EHBP1: variants seen among roughly 807,000 people sequenced by gnomAD.
The protein encoded by EHBP1 is EH domain-binding protein 1.
EHBP1 carries 55 observed loss-of-function variants against 144.0 expected under a neutral mutation model. The observed-to-expected ratio is 0.38, with a 90% CI of 0.31 to 0.48. EHBP1 has a LOEUF of 0.48. Among genes scored for constraint, EHBP1 ranks in the 20% least tolerant of loss-of-function variants. The pLI is 0.98. For missense variants in EHBP1, 1,200 were observed against 1,364.2 expected (o/e 0.88, Z 1.90); for synonymous variants, 469 against 472.7 (o/e 0.99, Z 0.10).
At chr2:62,709,090 G>A (rs1345555445) in intron 2 of EHBP1, among the ~76,000 whole-genome samples, 1 of 152,152 alleles carries the variant, frequency 6.6e-6, no homozygotes, top group African/African-American at 2.4e-5. Context: ...GTAGACTGAG[G>A]ATCATAGTAA....
At chr2:62,751,195 G>C (rs899956009) in intron 3 of EHBP1, among the ~76,000 whole-genome samples, 6 of 152,234 alleles carry the variant, frequency 3.9e-5, no homozygotes, top group South Asian at 4.1e-4. Flanking sequence ...TAGCATGAAG[G>C]GCTGTTGAAT....
At chr2:62,972,973 G>C (rs553564569) in intron 14 of EHBP1, among the ~76,000 whole-genome samples, 1 of 152,190 alleles carries the variant, frequency 6.6e-6, no homozygotes, top group Admixed American at 6.5e-5. Context: ...TTTTTCTATT[G>C]TGTAGAGAAC....
intron 5 of EHBP1, among the ~76,000 whole-genome samples, chr2:62,821,941 G>T (rs562422177): frequency 6.6e-6 from 1 of 152,000 alleles, no homozygotes; most frequent in African/African-American, 2.4e-5. Flanking sequence ...GGAAAATGTG[G>T]TGTCTTTCCC....
chr2:62,724,762 A>T (rs1572973434), intron 2 of EHBP1, among the ~76,000 whole-genome samples: 1 of 151,942 alleles, frequency 6.6e-6, no homozygotes, highest in Non-Finnish European at 1.5e-5. Context: ...GGAGGTGAGT[A>T]GTGGGCAGGC....
rs1488716830 is a variant in EHBP1 at position 62,979,268 on chromosome 2, G to A, written c.2541G>A (p.Met847Ile). The change falls in exon 15 of 23, where the codon ATG becomes ATA. Residue 847 changes from methionine to isoleucine, a missense_variant. This residue lies in a region of EHBP1 where 543 missense variants were observed against 513.1 expected (regional missense o/e 1.06). Transcript: ENST00000431489. ...CAGAAGCTCGATCTGGAGTGAAGAT[G>A]TCAGAACTTCCCAGCTATGGTGAAA... ...LIAEARSGVK[M>I]SELPSYGEMA... 1.2e-6 allele frequency: 2 copies of A among 1,613,846 alleles called. No individual in the cohort carries two copies. The highest frequency in any genetic ancestry group is 1.7e-6 in the Non-Finnish European group (2 of 1,179,928).
intron 10 of EHBP1, 93 bp from the exon 11 acceptor site, chr2:62,942,625 A>T: frequency 8.9e-7 from 1 of 1,120,232 alleles, no homozygotes; most frequent in South Asian, 2.2e-5. Flanking sequence ...AACTGACATC[A>T]AAGGGTTCAA....
chr2:62,944,236 T>A (rs1050120475), intron 12 of EHBP1, among the ~76,000 whole-genome samples: 1 of 152,196 alleles, frequency 6.6e-6, no homozygotes, highest in South Asian at 2.1e-4. Flanking sequence ...CAAGAGAGAA[T>A]ACTTAGGTTC....
chr2:62,915,542 A>G (rs982587938), intron 10 of EHBP1, among the ~76,000 whole-genome samples: 2 of 152,178 alleles, frequency 1.3e-5, no homozygotes, highest in African/African-American at 2.4e-5. Context: ...TGGGCATGTC[A>G]CATGTATAAT....
chr2:62,966,804 A>G (rs2058267189), intron 14 of EHBP1, among the ~76,000 whole-genome samples: 1 of 152,178 alleles, frequency 6.6e-6, no homozygotes, highest in Non-Finnish European at 1.5e-5. Flanking sequence ...TATAAAAAGT[A>G]TAGTGTGCTC....
At chr2:62,992,581 G>A (rs1022129727) in intron 16 of EHBP1, among the ~76,000 whole-genome samples, 4 of 152,100 alleles carry the variant, frequency 2.6e-5, no homozygotes, top group Non-Finnish European at 4.4e-5. Flanking sequence ...AGCTTTCAGC[G>A]TTGACTTGGG....
intron 18 of EHBP1, among the ~76,000 whole-genome samples, chr2:62,995,977 A>G (rs1279463200): frequency 1.3e-5 from 2 of 152,158 alleles, no homozygotes; most frequent in Non-Finnish European, 2.9e-5. Flanking sequence ...CTATGTAGCA[A>G]GGTTTGAAAC....
intron 10 of EHBP1, among the ~76,000 whole-genome samples, chr2:62,928,425 T>A (rs899369113): frequency 1.1e-4 from 17 of 152,280 alleles, no homozygotes; most frequent in African/African-American, 3.9e-4. Context: ...TAGAAAAGAC[T>A]GGCCTTAATT....
chr2:62,763,097 A>T (rs2040888891), intron 3 of EHBP1, among the ~76,000 whole-genome samples: 1 of 151,918 alleles, frequency 6.6e-6, no homozygotes, highest in Non-Finnish European at 1.5e-5. Context: ...ATGCATTTAC[A>T]TGTGTGATTC....
At chr2:62,755,083 C>A (rs371774906) in intron 3 of EHBP1, among the ~76,000 whole-genome samples, 1 of 152,236 alleles carries the variant, frequency 6.6e-6, no homozygotes, top group Non-Finnish European at 1.5e-5. Flanking sequence ...CATCGCTCAA[C>A]GCTGGGAGCT....
intron 14 of EHBP1, chr2:62,955,946 T>G: frequency 4.2e-6 from 1 of 239,172 alleles, no homozygotes; most frequent in Non-Finnish European, 8.0e-6. Flanking sequence ...ATAACTGTAG[T>G]TGTACTCTAA....
intron 7 of EHBP1, among the ~76,000 whole-genome samples, chr2:62,850,715 G>C (rs1462636795): frequency 2.6e-5 from 4 of 151,850 alleles, no homozygotes; most frequent in African/African-American, 4.8e-5. Context: ...AGTACTTTTG[G>C]TCAGGGTAGC....
At chr2:62,957,148 A>G (rs762479521) in intron 14 of EHBP1, among the ~76,000 whole-genome samples, 1 of 152,218 alleles carries the variant, frequency 6.6e-6, no homozygotes, top group Non-Finnish European at 1.5e-5. Flanking sequence ...TTAACATACC[A>G]TGGTCAATTT....
At chr2:62,807,899 T>C (rs1029267733) in intron 5 of EHBP1, among the ~76,000 whole-genome samples, 2 of 152,112 alleles carry the variant, frequency 1.3e-5, no homozygotes, top group Admixed American at 6.5e-5. Context: ...TCTCTATAGA[T>C]AAGGTGTTTA....
intron 19 of EHBP1, among the ~76,000 whole-genome samples, chr2:63,021,531 A>C (rs1395628948): frequency 1.3e-5 from 2 of 152,204 alleles, no homozygotes; most frequent in Non-Finnish European, 2.9e-5. Context: ...TGAGAAATCT[A>C]TTTTAGGACA....
Sources: allele counts gnomAD v4.1 joint callset (sites outside exome capture counted in the v4.1 genomes callset), GRCh38; gene constraint gnomAD v4.1.1; regional missense constraint gnomAD v4.1.1; transcripts MANE v1.5; gene names NCBI Gene and HGNC (gene_info 2026-07-23, HGNC 2026-07-21).